The following AMPD2 variants were observed in gnomAD, a reference collection of about 807,000 sequenced individuals.
AMPD2 encodes the protein adenosine monophosphate deaminase 2.
Under a neutral mutation model 91.3 loss-of-function variants are expected in AMPD2, and 52 were observed. The observed-to-expected ratio is 0.57, with a 90% CI of 0.46 to 0.72. The LOEUF is 0.72. Ranked by LOEUF, AMPD2 falls within the 30% of genes least tolerant of loss-of-function variation. The pLI is 0.00. For missense variants in AMPD2, 822 were observed against 1,122.3 expected (o/e 0.73, Z 3.82); for synonymous variants, 455 against 456.4 (o/e 1.00, Z 0.04).
At chr1:109,630,200 C>G (rs890968534) in intron 16 of AMPD2, 33 bp from the exon 17 acceptor site, 2 of 1,607,620 alleles carry the variant, frequency 1.2e-6, no homozygotes, top group Admixed American at 1.7e-5. Context: ...TCGGGGCCAC[C>G]TGACAGGCCC....
intron 2 of AMPD2, chr1:109,622,394 C>T: frequency 2.4e-6 from 1 of 424,432 alleles, no homozygotes; most frequent in East Asian, 7.1e-5. Flanking sequence ...GCCGTGGACA[C>T]CCCTGTGCCT....
intron 2 of AMPD2, chr1:109,621,530 T>G: frequency 1.7e-6 from 1 of 593,688 alleles, no homozygotes; most frequent in Non-Finnish European, 3.0e-6. Flanking sequence ...GCAAGAGGTG[T>G]GTATGCACAC....
Position 109,619,874 on chromosome 1 carries a change from T to G in AMPD2, c.-667T>G. ...GCCTGGCGCGGAGCCGGCGAGATTT[T>G]GGTGGGGTCTCACCTGTTGCGTGAC... On this transcript the variant is annotated 5_prime_UTR_variant, in exon 1 of 19. Transcript: ENST00000528667. 1 of 199,064 alleles carries G rather than the reference T, an allele frequency of 5.0e-6. No homozygotes were observed. 12.3% of individuals were successfully genotyped at this position (199,064 alleles called of 1,614,324 possible).
At position 109,629,459 on chromosome 1, in the gene AMPD2, G is replaced by A; in HGVS notation, c.1831G>A (p.Ala611Thr). Residue 611 changes from alanine (A) to threonine (T), a missense_variant, in exon 15 of 19, where the codon GCC (alanine) becomes ACC (threonine). By Grantham distance (58) the Ala-to-Thr change is moderately conservative (BLOSUM62 0). Coordinates refer to ENST00000528667, the MANE Select transcript of AMPD2 (RefSeq NM_001368809.2). ...PYAYYLYYTF[A>T]NMAMLNHLRR... ...TGCCTACTACCTGTACTACACCTTT[G>A]CCAACATGGCCATGTTGAACCACCT... The A allele has an allele frequency of 6.2e-7, 1 of 1,614,040 alleles. No homozygotes were observed. Among genetic ancestry groups the A allele is most frequent in the Non-Finnish European group, 8.5e-7 (1 of 1,179,990 alleles).
intron 1 of AMPD2, chr1:109,620,571 C>T (rs1246413836): frequency 3.2e-6 from 4 of 1,249,894 alleles, no homozygotes; most frequent in African/African-American, 3.1e-5. Flanking sequence ...GCCCCTCCCT[C>T]CTGGGCTGGG....
At chr1:109,620,865 G>T in intron 1 of AMPD2, 49 bp from the exon 2 acceptor site, 1 of 1,439,720 alleles carries the variant, frequency 6.9e-7, no homozygotes. Flanking sequence ...CTGGGGGCTG[G>T]CCCTTCCCCA....
In AMPD2 at chr1:109,627,294, A is replaced by T. The variant is rs776287043; in HGVS notation, c.838A>T (p.Thr280Ser). ...RMVRGVVHVY[T>S]RREPDEHCSE... ...GGTGCGGGGTGTGGTGCACGTCTAC[A>T]CCCGCAGGGAACCCGACGAGCAGTA... The change falls in exon 8 of 19, where the codon ACC becomes TCC. Residue 280 changes from threonine to serine, a missense_variant. Physicochemically the swap from Thr to Ser is moderately conservative, Grantham distance 58. Around this residue, in one of 5 missense-constraint regions of AMPD2, gnomAD observed 240 missense variants for 270.3 expected, o/e 0.89. Transcript: ENST00000528667. 5 of 1,605,048 alleles carry T rather than the reference A, an allele frequency of 3.1e-6. No homozygotes were observed. Among genetic ancestry groups the T allele is most frequent in the South Asian group, 2.2e-5 (2 of 90,168 alleles).
In AMPD2 at chr1:109,621,059, T is replaced by C. The variant is rs1441452448; in HGVS notation, c.-117T>C. On this transcript the variant is annotated 5_prime_UTR_variant, in exon 2 of 19. Transcript: ENST00000528667. ...CCTCTTCCGCCTGCGGAGCCGCTGC[T>C]TCCTGCATCAGTCACTCCCGCTGGG... 4 of 1,608,554 alleles carry C rather than the reference T, an allele frequency of 2.5e-6. No individual in the cohort carries two copies. In the South Asian group the frequency reaches 4.4e-5, roughly 18 times the overall value.
intron 7 of AMPD2, 28 bp downstream of exon 7, chr1:109,626,940 C>T: frequency 2.5e-6 from 4 of 1,601,466 alleles, no homozygotes; most frequent in South Asian, 2.2e-5. Context: ...TGCCCCATGC[C>T]ATGTGCCCTA....
chr1:109,627,087 C>T (rs1416303735), intron 7 of AMPD2, 88 bp from the exon 8 acceptor site: 1 of 1,589,256 alleles, frequency 6.3e-7, no homozygotes, highest in Non-Finnish European at 8.6e-7. Context: ...GGGTCTTCAA[C>T]ATCTCTTGCC....
intron 2 of AMPD2, chr1:109,622,225 T>G (rs998618326): frequency 6.4e-5 from 29 of 456,216 alleles, no homozygotes; most frequent in Admixed American, 4.9e-4. Context: ...GGGTGTTCTC[T>G]GTGCCCAGGT....
intron 9 of AMPD2, 38 bp from the exon 10 acceptor site, chr1:109,627,736 C>T (rs147440133): frequency 3.1e-6 from 5 of 1,609,268 alleles, no homozygotes; most frequent in East Asian, 2.2e-5. Context: ...TGCCTCCCTT[C>T]AGGGCCTAAG....
rs1650197854 is a variant in AMPD2 at position 109,620,993 on chromosome 1, C to T, written c.-183C>T. ...AAGGGGCAGAGATGGAGGCCCCACTCCCCGAGGTTGCCTAGACAACATGAG... is the reference window on the plus strand; with the variant it reads ...AAGGGGCAGAGATGGAGGCCCCACTTCCCGAGGTTGCCTAGACAACATGAG... On this transcript the variant is annotated 5_prime_UTR_variant, in exon 2 of 19. Coordinates refer to ENST00000528667, the MANE Select transcript of AMPD2 (RefSeq NM_001368809.2). 7 of 1,560,176 alleles carry T rather than the reference C, an allele frequency of 4.5e-6. No individual in the cohort carries two copies. Among genetic ancestry groups the T allele is most frequent in the Non-Finnish European group, 5.2e-6 (6 of 1,151,814 alleles).
At chr1:109,620,884 T>C (rs1171760465) in intron 1 of AMPD2, 30 bp from the exon 2 acceptor site, 9 of 1,442,644 alleles carry the variant, frequency 6.2e-6, no homozygotes, top group Admixed American at 2.9e-5. Flanking sequence ...CATCTTCTTT[T>C]CTACCCACCC....
chr1:109,625,386 C>T lies in AMPD2; in HGVS notation c.175C>T (p.Leu59Phe), dbSNP rs766037337. 5.4e-5 allele frequency: 87 copies of T among 1,613,888 alleles called. No individual in the cohort carries two copies. Among genetic ancestry groups the T allele is most frequent in the Non-Finnish European group, 7.3e-5 (86 of 1,180,010 alleles). Residue 59 changes from leucine (L) to phenylalanine (F), a missense_variant, in exon 3 of 19, where the codon CTC becomes TTC. Physicochemically the swap from Leu to Phe is conservative, Grantham distance 22. Transcript: ENST00000528667. This position sits in a 1 kb window ranked among gnomAD's most constrained non-coding sequence, Gnocchi z 4.0. ...CGCCCCCTGCCTCAAGCACTTCCCGCTCGACCTGCGCACGTCTATGGATGG... is the reference window on the plus strand; with the variant it reads ...CGCCCCCTGCCTCAAGCACTTCCCGTTCGACCTGCGCACGTCTATGGATGG... ...GPAPCLKHFPLDLRTSMDGKC... is the reference protein window; with the variant it reads ...GPAPCLKHFPFDLRTSMDGKC...
At position 109,631,219 on chromosome 1, in the gene AMPD2, A is replaced by G. The variant is rs529193435; in HGVS notation, c.*67A>G. On this transcript the variant is annotated 3_prime_UTR_variant, in exon 19 of 19. Transcript: ENST00000528667. The stretch of plus-strand genomic sequence containing the variant: ...CACGTTTTGTCCTCAGACCCCGCCC[A>G]TGCTGTGTGGTCTCTGCATGTCTCC... The G allele has an allele frequency of 4.2e-6, 6 of 1,423,708 alleles. No homozygotes were observed. The highest frequency in any genetic ancestry group is 3.5e-4 in the Middle Eastern group (2 of 5,690). 88.2% of individuals were successfully genotyped at this position (1,423,708 alleles called of 1,614,324 possible).
In AMPD2 at chr1:109,628,739, C is replaced by T. The variant is rs116156816; in HGVS notation, c.1504C>T (p.Arg502Cys). The T allele has an allele frequency of 9.7e-5, 155 of 1,605,410 alleles. No homozygotes were observed. The highest frequency in any genetic ancestry group is 1.2e-4 in the Non-Finnish European group (140 of 1,175,586). The change falls in exon 13 of 19, where the codon CGC (arginine) becomes TGC (cysteine). Residue 502 changes from arginine to cysteine, a missense_variant. By Grantham distance (180) the Arg-to-Cys change is radical. Coordinates refer to ENST00000528667, the MANE Select transcript of AMPD2 (RefSeq NM_001368809.2). This position sits in a 1 kb window ranked among gnomAD's most constrained non-coding sequence, Gnocchi z 7.1. ...GAGGGATGAGTGGGACAAGCTGGCG[C>T]GCTGGGCCGTCATGCACCGCGTGCA... ...RSRDEWDKLA[R>C]WAVMHRVHSP...
intron 15 of AMPD2, 54 bp downstream of exon 15, chr1:109,629,544 T>G: frequency 6.3e-7 from 1 of 1,596,258 alleles, no homozygotes; most frequent in African/African-American, 1.3e-5. Context: ...CCAACAAACC[T>G]CACTCTTGGC....
At chr1:109,630,459 TC>T (rs768496794) in intron 17 of AMPD2, 53 bp downstream of exon 17, 1 of 403,468 alleles carries the variant, frequency 2.5e-6, no homozygotes, top group Admixed American at 2.7e-5. Context: ...CGCTGGGGTC[TC>T]CCGGGTTGGG....
Sources: allele counts gnomAD v4.1 joint callset, GRCh38; gene constraint gnomAD v4.1.1; regional missense constraint gnomAD v4.1.1; non-coding constraint Gnocchi (gnomAD v3.1); transcripts MANE v1.5; gene names NCBI Gene and HGNC (gene_info 2026-07-23, HGNC 2026-07-21).